FOXO4: variants seen among roughly 807,000 people sequenced by gnomAD.
FOXO4 encodes the protein forkhead box protein O4.
Under a neutral mutation model 20.8 loss-of-function variants are expected in FOXO4, and 3 were observed. The observed-to-expected ratio is 0.14, with a 90% CI of 0.07 to 0.37. The LOEUF (loss-of-function observed/expected upper bound fraction) is 0.37, where lower values mean the gene tolerates loss of function less well. Among genes scored for constraint, FOXO4 ranks in the 10% least tolerant of loss-of-function variants. The probability of loss-of-function intolerance (pLI) is 1.00; values close to 1 mark genes in which losing one functional copy is unlikely to be tolerated. For missense variants in FOXO4, 309 were observed against 431.9 expected (o/e 0.72, Z 2.52); for synonymous variants, 158 against 180.0 (o/e 0.88, Z 0.98).
At chrX:71,098,557 A>G (rs772915253) in intron 1 of FOXO4, among the ~76,000 whole-genome samples, 2 of 112,059 alleles carry the variant, frequency 1.8e-5, no homozygotes, top group Non-Finnish European at 3.8e-5. Context: ...TAGGTGGCTT[A>G]GGGAGCAATT....
chrX:71,096,461 G>C lies in FOXO4; in HGVS notation c.-68G>C. ...CTGGCCCTCGATGCTTCCCCCCTGA[G>C]GGGAGGCATCGTGAGGGACTGTGGC... On this transcript the variant is annotated 5_prime_UTR_variant, in exon 1 of 3. Coordinates refer to ENST00000374259, the MANE Select transcript of FOXO4 (RefSeq NM_005938.4). The C allele has an allele frequency of 9.9e-7, 1 of 1,006,085 alleles. No homozygotes were observed. Among genetic ancestry groups the C allele is most frequent in the Non-Finnish European group, 1.4e-6 (1 of 728,382 alleles). 82.9% of individuals were successfully genotyped at this position (1,006,085 alleles called of 1,213,427 possible).
chrX:71,096,456 C>T lies in FOXO4; in HGVS notation c.-73C>T. 2.0e-6 allele frequency: 2 copies of T among 979,412 alleles called. No homozygotes were observed. Among genetic ancestry groups the T allele is most frequent in the Non-Finnish European group, 2.8e-6 (2 of 705,546 alleles). The allele number at this position is 979,412 out of a possible 1,213,427, so 80.7% of individuals were successfully genotyped here. ...GCCTCCTGGCCCTCGATGCTTCCCC[C>T]CTGAGGGGAGGCATCGTGAGGGACT... On this transcript the variant is annotated 5_prime_UTR_variant, in exon 1 of 3. Coordinates refer to ENST00000374259, the MANE Select transcript of FOXO4 (RefSeq NM_005938.4).
chrX:71,101,786 C>T (rs1221518407), intron 2 of FOXO4, 46 bp downstream of exon 2: 1 of 1,017,217 alleles, frequency 9.8e-7, no homozygotes. Flanking sequence ...CCTATTACCA[C>T]TCCTAGGTGC....
At position 71,101,463 on chromosome X, in the gene FOXO4, C is replaced by T. The variant is rs766396272; in HGVS notation, c.1233C>T (p.Gly411=). ...GLPSSSKLAT[G]VGLCPKPLEA... Reference sequence around the variant, plus strand: ...CTTCCTCCAGTAAGCTGGCCACGGGCGTCGGCCTGTGTCCCAAGCCCCTAG... The same window carrying T: ...CTTCCTCCAGTAAGCTGGCCACGGGTGTCGGCCTGTGTCCCAAGCCCCTAG... Residue 411 remains glycine, a synonymous_variant, in exon 2 of 3, where the codon GGC becomes GGT. Transcript: ENST00000374259. 1.3e-5 allele frequency: 16 copies of T among 1,209,519 alleles called. 1 individual carries two copies. In the East Asian group the frequency reaches 2.4e-4, roughly 18 times the overall value.
At chrX:71,097,110 C>A in intron 1 of FOXO4, 129 bp downstream of exon 1, 1 of 485,449 alleles carries the variant, frequency 2.1e-6, no homozygotes, top group South Asian at 3.2e-5. Flanking sequence ...CCCAGAGATC[C>A]ACCTTCAATC....
chrX:71,101,223 T>C lies in FOXO4; in HGVS notation c.993T>C (p.His331=), dbSNP rs761823634. ...GTCTCTCTGGCTTCTCTTTGCAGCA[T>C]CCTGGGGTTACCGGCCCCTTACACA... ...RSGLSGFSLQ[H]PGVTGPLHTY... Residue 331 remains histidine, a synonymous_variant, in exon 2 of 3, where the codon CAT becomes CAC. Coordinates refer to ENST00000374259, the MANE Select transcript of FOXO4 (RefSeq NM_005938.4). 8.3e-6 allele frequency: 10 copies of C among 1,209,329 alleles called. 1 individual carries two copies. The South Asian group carries it at 1.6e-4, about 19-fold the overall frequency.
rs2092216849 is a variant in FOXO4, at chrX:71,096,026, A to G, written c.-503A>G. Among the ~76,000 whole-genome samples the G allele has an allele frequency of 1.4e-5, 1 of 70,853 alleles. No individual in the cohort carries two copies. The highest frequency in any genetic ancestry group is 5.5e-5 in the African/African-American group (1 of 18,134). 61.5% of individuals were successfully genotyped at this position (70,853 alleles called of 115,157 possible). A position where few individuals can be genotyped will look rare whatever the true frequency, so the allele number is the denominator to read the frequency against. ...CCGGACCCTAGTAAGAGTGGCGAGA[A>G]GGGAAGAGGCGGGGGAAGGGGGAGT... On this transcript the variant is annotated 5_prime_UTR_variant, in exon 1 of 3. Transcript: ENST00000374259.
Position 71,103,081 on chromosome X carries a change from A to G in FOXO4, c.*997A>G, listed in dbSNP as rs984982437. ...AAGGGACTGGGAGGGGAGAGAAGAG[A>G]AGGAGGGAAGGATTTAGGATGGTAA... On this transcript the variant is annotated 3_prime_UTR_variant, in exon 3 of 3. Coordinates refer to ENST00000374259, the MANE Select transcript of FOXO4 (RefSeq NM_005938.4). 3 of 172,694 alleles carry G rather than the reference A, an allele frequency of 1.7e-5. No individual in the cohort carries two copies. Among genetic ancestry groups the G allele is most frequent in the Middle Eastern group, 5.5e-4 (1 of 1,813 alleles). The allele number at this position is 172,694 out of a possible 1,213,427, so 14.2% of individuals were successfully genotyped here.
chrX:71,098,697 C>T (rs1294843314), intron 1 of FOXO4, among the ~76,000 whole-genome samples: 1 of 111,691 alleles, frequency 9.0e-6, no homozygotes, highest in Non-Finnish European at 1.9e-5. Flanking sequence ...GACAAACGGG[C>T]CTTGTGGCTA....
Position 71,100,776 on chromosome X carries a change from T to C in FOXO4, c.546T>C (p.Pro182=), listed in dbSNP as rs1387368318. The C allele has an allele frequency of 1.7e-6, 2 of 1,211,140 alleles. No homozygotes were observed. Among genetic ancestry groups the C allele is most frequent in the Non-Finnish European group, 2.2e-6 (2 of 895,082 alleles). ...TGKSSWWMLN[P]EGGKSGKAPR... is the part of the protein sequence containing the mutation. ...AAAGCTCTTGGTGGATGCTGAACCCTGAGGGAGGCAAGAGCGGCAAAGCCC... is the reference window on the plus strand; with the variant it reads ...AAAGCTCTTGGTGGATGCTGAACCCCGAGGGAGGCAAGAGCGGCAAAGCCC... The change falls in exon 2 of 3, where the codon CCT becomes CCC. Residue 182 remains proline, a synonymous_variant. Transcript: ENST00000374259.
At chrX:71,099,679 A>G (rs1953400738) in intron 1 of FOXO4, among the ~76,000 whole-genome samples, 1 of 111,927 alleles carries the variant, frequency 8.9e-6, no homozygotes, top group African/African-American at 3.2e-5. Context: ...TTTGGCTGCC[A>G]AAGTCAAGCA....
In FOXO4 at chrX:71,101,496, A is replaced by G; in HGVS notation, c.1266A>G (p.Pro422=). 8.3e-7 allele frequency: 1 copy of G among 1,211,420 alleles called. No individual in the cohort carries two copies. Among genetic ancestry groups the G allele is most frequent in the Non-Finnish European group, 1.1e-6 (1 of 895,305 alleles). Residue 422 remains proline, a synonymous_variant, in exon 2 of 3, where the codon CCA becomes CCG. Coordinates refer to ENST00000374259, the MANE Select transcript of FOXO4 (RefSeq NM_005938.4). ...VGLCPKPLEA[P]GPSSLVPTLS... ...TGTGTCCCAAGCCCCTAGAGGCTCCAGGCCCCAGCAGTCTGGTTCCCACCC... is the reference window on the plus strand; with the variant it reads ...TGTGTCCCAAGCCCCTAGAGGCTCCGGGCCCCAGCAGTCTGGTTCCCACCC...
Position 71,096,160 on chromosome X carries a change from G to A in FOXO4, c.-369G>A, listed in dbSNP as rs933707397. The A allele has an allele frequency of 1.4e-5, 3 of 214,916 alleles. No individual in the cohort carries two copies. Among genetic ancestry groups the A allele is most frequent in the Non-Finnish European group, 2.5e-5 (3 of 119,668 alleles). The allele number at this position is 214,916 out of a possible 1,213,427, so 17.7% of individuals were successfully genotyped here. A position where few individuals can be genotyped will look rare whatever the true frequency, so the allele number is the denominator to read the frequency against. Reference sequence around the variant, plus strand: ...GGGGGCAGCAACTTAAAAGGGGGAGGGAACTGCGGCTAAGGAGACGTTCGG... The same window carrying A: ...GGGGGCAGCAACTTAAAAGGGGGAGAGAACTGCGGCTAAGGAGACGTTCGG... On this transcript the variant is annotated 5_prime_UTR_variant, in exon 1 of 3. Coordinates refer to ENST00000374259, the MANE Select transcript of FOXO4 (RefSeq NM_005938.4).
In FOXO4 at chrX:71,101,595, A is replaced by T. The variant is rs1001578730; in HGVS notation, c.1365A>T (p.Thr455=). 2.2e-5 allele frequency: 27 copies of T among 1,210,928 alleles called. No individual in the cohort carries two copies. Among genetic ancestry groups the T allele is most frequent in the Non-Finnish European group, 2.9e-5 (26 of 895,117 alleles). Residue 455 remains threonine, a synonymous_variant, in exon 2 of 3, where the codon ACA becomes ACT. Transcript: ENST00000374259. ...IPKALGTPVL[T]PPTEAASQDR... is the part of the protein sequence containing the mutation. ...AGGCTCTGGGGACTCCTGTGCTCAC[A>T]CCCCCTACTGAAGCTGCAAGCCAAG...
In FOXO4 at chrX:71,096,486, C is replaced by T. The variant is rs1165029392; in HGVS notation, c.-43C>T. 1 of 1,117,955 alleles carries T rather than the reference C, an allele frequency of 8.9e-7. No homozygotes were observed. The highest frequency in any genetic ancestry group is 1.2e-6 in the Non-Finnish European group (1 of 822,974). The allele number at this position is 1,117,955 out of a possible 1,213,427, so 92.1% of individuals were successfully genotyped here. On this transcript the variant is annotated 5_prime_UTR_variant, in exon 1 of 3. Coordinates refer to ENST00000374259, the MANE Select transcript of FOXO4 (RefSeq NM_005938.4). Reference sequence around the variant, plus strand: ...GGGGAGGCATCGTGAGGGACTGTGGCAGGCTTCACTGAACGCTGAGCCGGG... The same window carrying T: ...GGGGAGGCATCGTGAGGGACTGTGGTAGGCTTCACTGAACGCTGAGCCGGG...
chrX:71,102,282 G>A lies in FOXO4; in HGVS notation c.*198G>A. 2 of 450,022 alleles carry A rather than the reference G, an allele frequency of 4.4e-6. No individual in the cohort carries two copies. The highest frequency in any genetic ancestry group is 7.4e-5 in the East Asian group (2 of 26,990). The allele number at this position is 450,022 out of a possible 1,213,427, so 37.1% of individuals were successfully genotyped here. A position where few individuals can be genotyped will look rare whatever the true frequency, so the allele number is the denominator to read the frequency against. On this transcript the variant is annotated 3_prime_UTR_variant, in exon 3 of 3. Coordinates refer to ENST00000374259, the MANE Select transcript of FOXO4 (RefSeq NM_005938.4). ...GGACGATATGGGGAGGGAGATGGGA[G>A]GGGAAAGGGGAGAGGGTTTTTCTCA...
rs774406229 is a variant in FOXO4, at chrX:71,096,589, G to A, written c.61G>A (p.Asp21Asn). The change falls in exon 1 of 3, where the codon GAC becomes AAC. Residue 21 changes from aspartate (D) to asparagine (N), a missense_variant. By Grantham distance (23) the Asp-to-Asn change is conservative. Coordinates refer to ENST00000374259, the MANE Select transcript of FOXO4 (RefSeq NM_005938.4). ...TGCCGCGATCATAGACCTAGATCCC[G>A]ACTTCGAACCCCAGAGCCGTCCCCG... ...EAAAIIDLDP[D>N]FEPQSRPRSC... 6 of 1,208,849 alleles carry A rather than the reference G, an allele frequency of 5.0e-6. No individual in the cohort carries two copies. The highest frequency in any genetic ancestry group is 6.7e-6 in the Non-Finnish European group (6 of 894,435).
intron 1 of FOXO4, among the ~76,000 whole-genome samples, chrX:71,099,925 G>A (rs1020367933): frequency 8.9e-6 from 1 of 111,969 alleles, no homozygotes; most frequent in African/African-American, 3.2e-5. Flanking sequence ...ATTCTATAGA[G>A]AGCTGGGTGG....
Position 71,102,099 on chromosome X carries a change from C to A in FOXO4, c.*15C>A. ...CAGATCCCTGAGTCATGCCTGGAAG[C>A]TTTGTCCCCTGCTTCAGATGTGGAG... On this transcript the variant is annotated 3_prime_UTR_variant, in exon 3 of 3. Transcript: ENST00000374259. 1 of 1,207,477 alleles carries A rather than the reference C, an allele frequency of 8.3e-7. No homozygotes were observed. The highest frequency in any genetic ancestry group is 1.8e-5 in the South Asian group (1 of 56,609).
Sources: allele counts gnomAD v4.1 joint callset (sites outside exome capture counted in the v4.1 genomes callset), GRCh38; gene constraint gnomAD v4.1.1; transcripts MANE v1.5; gene names NCBI Gene and HGNC (gene_info 2026-07-23, HGNC 2026-07-21).